The following PUDP variants were observed in gnomAD, a reference collection of about 807,000 sequenced individuals.
PUDP encodes pseudouridine-5'-phosphatase.
In PUDP, 8 loss-of-function variants were observed where a neutral mutation model predicts 9.4. That is an observed-to-expected ratio of 0.85 (90% CI 0.50 to 1.53). The LOEUF (loss-of-function observed/expected upper bound fraction) is 1.53, where lower values mean the gene tolerates loss of function less well. Among genes scored for constraint, PUDP ranks in the 40% most tolerant of loss-of-function variants. PUDP has a pLI of 0.00. For synonymous variants in PUDP, 99 were observed against 80.7 expected (o/e 1.23, Z -1.22); for missense variants, 188 against 189.7 (o/e 0.99, Z 0.05).
intron 3 of PUDP, among the ~76,000 whole-genome samples, chrX:6,870,745 G>T (rs1301625030): frequency 8.9e-6 from 1 of 112,405 alleles, no homozygotes; most frequent in African/African-American, 3.2e-5. Context: ...ATATTCTATT[G>T]TTGGAAGCAA....
chrX:6,843,890 A>G (rs1269783452), intron 3 of PUDP, among the ~76,000 whole-genome samples: 1 of 112,979 alleles, frequency 8.9e-6, no homozygotes, highest in Non-Finnish European at 1.9e-5. Flanking sequence ...TGCCAATTGC[A>G]GCTGTAACAA....
At chrX:7,033,454 G>A (rs4011471) in intron 1 of PUDP, among the ~76,000 whole-genome samples, 1 of 112,351 alleles carries the variant, frequency 8.9e-6, no homozygotes, top group Admixed American at 9.4e-5. Flanking sequence ...ACCTCCAAAA[G>A]GAGACTTTCT....
At chrX:6,980,803 T>C (rs1329761351) in intron 1 of PUDP, among the ~76,000 whole-genome samples, 1 of 111,621 alleles carries the variant, frequency 9.0e-6, no homozygotes, top group African/African-American at 3.3e-5. Flanking sequence ...TTCTAAGTAA[T>C]ATAAAGATGA....
chrX:7,061,336 T>C (rs751937299), intron 3 of PUDP, among the ~76,000 whole-genome samples: 2 of 111,773 alleles, frequency 1.8e-5, no homozygotes, highest in East Asian at 5.6e-4. Flanking sequence ...TGTATGTGTA[T>C]TGGTGCTTGA....
intron 3 of PUDP, among the ~76,000 whole-genome samples, chrX:6,798,906 C>T (rs1050366778): frequency 8.9e-6 from 1 of 111,885 alleles, no homozygotes; most frequent in Non-Finnish European, 1.9e-5. Flanking sequence ...CCACCTCAGC[C>T]TCCCCAGTAG....
intron 3 of PUDP, among the ~76,000 whole-genome samples, chrX:7,052,008 T>C (rs1930114229): frequency 9.0e-6 from 1 of 110,521 alleles, no homozygotes; most frequent in Non-Finnish European, 1.9e-5. Context: ...CATCTCTTCT[T>C]TGTCTCCTTT....
chrX:6,881,254 G>T (rs190600090), intron 3 of PUDP, among the ~76,000 whole-genome samples: 5 of 112,113 alleles, frequency 4.5e-5, no homozygotes, highest in Non-Finnish European at 9.4e-5. Flanking sequence ...CAGTTTTCAG[G>T]CATATGTCGT....
intron 3 of PUDP, among the ~76,000 whole-genome samples, chrX:6,900,772 T>C (rs7472617): frequency 0.016 from 1,724 of 106,571 alleles, 14 homozygotes; most frequent in Admixed American, 0.032. Context: ...TTTTTTGTTT[T>C]TTTGTTTTGT....
chrX:6,810,581 G>GA (rs1034216662), intron 3 of PUDP, among the ~76,000 whole-genome samples: 6 of 111,260 alleles, frequency 5.4e-5, no homozygotes, highest in African/African-American at 1.6e-4. Flanking sequence ...GACTCCGTAT[G>GA]AAAAAAATGG....
intron 2 of PUDP, among the ~76,000 whole-genome samples, chrX:7,099,339 C>T (rs745966634): frequency 2.7e-5 from 3 of 112,256 alleles, no homozygotes; most frequent in Admixed American, 9.4e-5. Context: ...AGTTGTAATA[C>T]GGTACCTATT....
intron 1 of PUDP, among the ~76,000 whole-genome samples, chrX:6,715,152 G>A (rs1214825565): frequency 9.0e-6 from 1 of 110,949 alleles, no homozygotes; most frequent in African/African-American, 3.3e-5. Context: ...TATTGATCAT[G>A]TTTTATTTTA....
chrX:6,750,953 C>G (rs1445200767), intron 3 of PUDP, among the ~76,000 whole-genome samples: 5 of 110,611 alleles, frequency 4.5e-5, no homozygotes, highest in Non-Finnish European at 9.4e-5. Flanking sequence ...TCCTGGCTAA[C>G]ACGGTAAAAC....
At chrX:6,858,115 T>C (rs1926935083) in intron 3 of PUDP, among the ~76,000 whole-genome samples, 1 of 110,554 alleles carries the variant, frequency 9.0e-6, no homozygotes, top group Non-Finnish European at 1.9e-5. Flanking sequence ...GTCAAGAACA[T>C]GGCTAATACT....
At chrX:6,867,626 A>G (rs898743066) in intron 3 of PUDP, among the ~76,000 whole-genome samples, 2 of 109,567 alleles carry the variant, frequency 1.8e-5, no homozygotes. Context: ...GTTGATGGCA[A>G]TGGTGGTGTT....
chrX:7,068,034 G>A (rs897181293), intron 3 of PUDP, among the ~76,000 whole-genome samples: 3 of 111,664 alleles, frequency 2.7e-5, no homozygotes, highest in Non-Finnish European at 3.8e-5. Flanking sequence ...GGAACTGTGA[G>A]TCCGTTAAAC....
chrX:6,941,622 C>T (rs894488083), intron 3 of PUDP, among the ~76,000 whole-genome samples: 7 of 111,104 alleles, frequency 6.3e-5, no homozygotes, highest in African/African-American at 2.3e-4. Flanking sequence ...AGCCACCATG[C>T]CTGGCCTGGT....
intron 1 of PUDP, among the ~76,000 whole-genome samples, chrX:7,014,289 C>T (rs372297312): frequency 8.5e-4 from 93 of 109,978 alleles, no homozygotes; most frequent in African/African-American, 2.7e-3. Context: ...CTTAGGGCCG[C>T]GGGTCTCCAG....
chrX:6,853,718 CAT>C (rs1165739230), intron 3 of PUDP, among the ~76,000 whole-genome samples: 1 of 111,695 alleles, frequency 9.0e-6, no homozygotes, highest in Non-Finnish European at 1.9e-5. Context: ...TAAATGAAAT[CAT>C]ACAATATGTG....
intron 2 of PUDP, among the ~76,000 whole-genome samples, chrX:7,083,096 G>C (rs1931153135): frequency 8.9e-6 from 1 of 112,517 alleles, no homozygotes; most frequent in Non-Finnish European, 1.9e-5. Context: ...AGAGCCTACA[G>C]AGGGAGTGTG....
Sources: allele counts gnomAD v4.1 joint callset (sites outside exome capture counted in the v4.1 genomes callset), GRCh38; gene constraint gnomAD v4.1.1; transcripts MANE v1.5; gene names NCBI Gene and HGNC (gene_info 2026-07-23, HGNC 2026-07-21).